ABI3BP: variants seen among roughly 807,000 people sequenced by gnomAD.
The protein encoded by ABI3BP is target of Nesh-SH3.
ABI3BP carries 216 observed loss-of-function variants against 268.6 expected under a neutral mutation model. The observed-to-expected ratio is 0.80, with a 90% CI of 0.72 to 0.90. ABI3BP has a LOEUF of 0.90. ABI3BP is among the 40% of genes least tolerant of loss of function. The pLI, the probability that ABI3BP is intolerant of heterozygous loss-of-function variation, is 0.00. For synonymous variants in ABI3BP, 730 were observed against 730.0 expected (o/e 1.00, Z 0.00); for missense variants, 2,090 against 2,182.4 (o/e 0.96, Z 0.84).
chr3:100,943,876 G>A (rs935784735), intron 1 of ABI3BP, among the ~76,000 whole-genome samples: 2 of 151,908 alleles, frequency 1.3e-5, no homozygotes, highest in African/African-American at 4.8e-5. Context: ...TTTTTTCCAA[G>A]AAAAAGTGAA....
At chr3:100,773,749 T>A (rs539409934) in intron 61 of ABI3BP, among the ~76,000 whole-genome samples, 21 of 152,274 alleles carry the variant, frequency 1.4e-4, no homozygotes, top group African/African-American at 5.1e-4. Context: ...AGCATGCTAG[T>A]CAGCAATAAA....
In ABI3BP at chr3:100,894,965, A is replaced by AAAAAAAAAAAAAAAAAAAAAAAAAC. The variant is rs760156604; in HGVS notation, c.461+3796_461+3797insGTTTTTTTTTTTTTTTTTTTTTTTT. Among the ~76,000 whole-genome samples, 157 of 120,820 alleles carry AAAAAAAAAAAAAAAAAAAAAAAAAC rather than the reference A, an allele frequency of 1.3e-3. 11 individuals are homozygous for AAAAAAAAAAAAAAAAAAAAAAAAAC. Among genetic ancestry groups the AAAAAAAAAAAAAAAAAAAAAAAAAC allele is most frequent in the Non-Finnish European group, 2.1e-3 (109 of 51,346 alleles). The allele number at this position is 120,820 out of a possible 152,430, so 79.3% of individuals were successfully genotyped here. ...AAAAAAAAAAAAAAAAAAAAAAAAAAAACAGAAAAAAAAAACACAAGATGA... is the reference window on the plus strand; with the variant it reads ...AAAAAAAAAAAAAAAAAAAAAAAAAAAAAAAAAAAAAAAAAAAAAAAAAACAACAGAAAAAAAAAACACAAGATGA... On this transcript the variant is annotated intron_variant, in intron 4 of 67. Transcript: ENST00000471714.
intron 6 of ABI3BP, among the ~76,000 whole-genome samples, chr3:100,882,679 T>C (rs1310814446): frequency 6.6e-6 from 1 of 152,016 alleles, no homozygotes; most frequent in Non-Finnish European, 1.5e-5. Flanking sequence ...CTATCATGGC[T>C]GCTTATATTG....
chr3:100,771,049 T>G, intron 61 of ABI3BP, 97 bp from the exon 62 acceptor site: 2 of 1,099,576 alleles, frequency 1.8e-6, no homozygotes, highest in Non-Finnish European at 2.5e-6. Context: ...TTTGGTCTCA[T>G]ATTATAAGCG....
At chr3:100,962,183 C>T (rs2079382641) in intron 1 of ABI3BP, among the ~76,000 whole-genome samples, 1 of 152,108 alleles carries the variant, frequency 6.6e-6, no homozygotes, top group Admixed American at 6.6e-5. Flanking sequence ...ACTTGGCAGA[C>T]TCTCTCTTCA....
At chr3:100,955,896 T>C (rs568551480) in intron 1 of ABI3BP, among the ~76,000 whole-genome samples, 2 of 152,118 alleles carry the variant, frequency 1.3e-5, no homozygotes, top group African/African-American at 4.8e-5. Flanking sequence ...GTAAAACATG[T>C]GGTATGTGAG....
chr3:100,780,146 G>C lies in ABI3BP; in HGVS notation c.4226C>G (p.Pro1409Arg). Residue 1409 changes from proline (P) to arginine (R), a missense_variant, in exon 58 of 68, where the codon CCC (proline) becomes CGC (arginine). By Grantham distance (103) the Pro-to-Arg change is moderately radical. Transcript: ENST00000471714. ...DRNVSVDSTH[P>R]TKKPGTRRPP... ...TTATTACTTACCTGGCTTTTTAGTG[G>C]GGTGGGTAGAGTCCACTGATACATT... is the stretch of plus-strand genomic sequence containing the variant. 6.2e-7 allele frequency: 1 copy of C among 1,612,728 alleles called. No individual in the cohort carries two copies. The highest frequency in any genetic ancestry group is 8.5e-7 in the Non-Finnish European group (1 of 1,179,080).
At chr3:100,753,995 T>G in intron 64 of ABI3BP, 147 bp from the exon 65 acceptor site, 1 of 846,486 alleles carries the variant, frequency 1.2e-6, no homozygotes. Context: ...ATTTGAAAGT[T>G]TGCTTTGTTT....
chr3:100,829,616 G>A lies in ABI3BP; in HGVS notation c.2507C>T (p.Thr836Ile), dbSNP rs774224420. The A allele has an allele frequency of 1.0e-5, 16 of 1,535,634 alleles. No homozygotes were observed. Among genetic ancestry groups the A allele is most frequent in the Non-Finnish European group, 1.4e-5 (16 of 1,146,512 alleles). Residue 836 changes from threonine (T) to isoleucine (I), a missense_variant, in exon 33 of 68, where the codon ACC (threonine) becomes ATC (isoleucine). By Grantham distance (89) the Thr-to-Ile change is moderately conservative. Transcript: ENST00000471714. ...CTGAAGCTCTTCGGGACTCAGTGTG[G>A]TTTTAGGTTTGGGATGTGGACGATG... ...RTHRPHPKPKTTLSPEELQTE... is the reference protein window; with the variant it reads ...RTHRPHPKPKITLSPEELQTE...
chr3:100,960,579 C>A (rs2078677167), intron 1 of ABI3BP, among the ~76,000 whole-genome samples: 1 of 152,126 alleles, frequency 6.6e-6, no homozygotes, highest in African/African-American at 2.4e-5. Context: ...TCTGCGTAGG[C>A]TCAATCTAAT....
intron 51 of ABI3BP, 31 bp from the exon 52 acceptor site, chr3:100,796,499 A>T (rs1020254148): frequency 5.2e-6 from 8 of 1,533,664 alleles, no homozygotes; most frequent in Non-Finnish European, 7.1e-6. Context: ...AACACTGCAT[A>T]CTCTAAATAA....
intron 1 of ABI3BP, among the ~76,000 whole-genome samples, chr3:100,945,073 T>A (rs950230701): frequency 1.3e-5 from 2 of 152,204 alleles, no homozygotes; most frequent in African/African-American, 4.8e-5. Context: ...AATCTCAAAT[T>A]CATTCTCAAT....
intron 1 of ABI3BP, among the ~76,000 whole-genome samples, chr3:100,945,385 T>C (rs981434324): frequency 6.6e-6 from 1 of 152,196 alleles, no homozygotes; most frequent in African/African-American, 2.4e-5. Context: ...AATGATTTTA[T>C]AGCTCAAACT....
chr3:100,882,966 C>T lies in ABI3BP; in HGVS notation c.696+2570G>A, dbSNP rs140053343. ...GAAGAGGATGAAAGAGCAATTCTAT[C>T]CCACTGTTTTGCCTGTGAGGTACAG... On this transcript the variant is annotated intron_variant, in intron 6 of 67. Transcript: ENST00000471714. 4.6e-5 allele frequency among the ~76,000 whole-genome samples: 7 copies of T among 152,180 alleles called. No homozygotes were observed. The East Asian group carries it at 1.2e-3, about 25-fold the overall frequency.
At chr3:100,919,921 C>T (rs144719893) in intron 2 of ABI3BP, among the ~76,000 whole-genome samples, 15 of 152,232 alleles carry the variant, frequency 9.9e-5, no homozygotes, top group Non-Finnish European at 1.6e-4. Flanking sequence ...ACCAAAGGCA[C>T]GAAACAGTCA....
chr3:100,948,763 A>C (rs770020128), intron 1 of ABI3BP, among the ~76,000 whole-genome samples: 3 of 152,178 alleles, frequency 2.0e-5, no homozygotes, highest in Admixed American at 6.5e-5. Flanking sequence ...TTGGGACCAG[A>C]CATTTTTCAA....
At chr3:100,910,947 C>T (rs961850227) in intron 2 of ABI3BP, 1 of 156,372 alleles carries the variant, frequency 6.4e-6, no homozygotes, top group African/African-American at 2.4e-5. Flanking sequence ...AAAAAAAAAT[C>T]TCCTTTTAGG....
At chr3:100,788,553 G>T (rs1005551125) in intron 56 of ABI3BP, among the ~76,000 whole-genome samples, 7 of 151,968 alleles carry the variant, frequency 4.6e-5, no homozygotes, top group Admixed American at 3.3e-4. Context: ...AGCCATGATT[G>T]TTACTACTTA....
rs535348998 is a variant in ABI3BP at position 100,828,925 on chromosome 3, A to G, written c.2543-473T>C. On this transcript the variant is annotated intron_variant, in intron 33 of 67. Transcript: ENST00000471714. ...GCAGATGATTCCTACCTAAAATCCA[A>G]ACTCCTCAGGCCAGCATTCAAGACC... Among the ~76,000 whole-genome samples the G allele has an allele frequency of 2.6e-5, 4 of 152,066 alleles. No homozygotes were observed. The East Asian group carries it at 5.8e-4, about 22-fold the overall frequency.
Sources: gnomAD v4.1 joint callset for allele counts (sites outside exome capture counted in the v4.1 genomes callset) on GRCh38, gnomAD v4.1.1 for gene constraint, MANE v1.5 for transcripts, NCBI Gene and HGNC (gene_info 2026-07-23, HGNC 2026-07-21) for gene names.